Variants in CSMD1 observed in about 807,000 individuals in gnomAD.
CSMD1 encodes the protein CUB and sushi domain-containing protein 1.
In CSMD1, 213 loss-of-function variants were observed where a neutral mutation model predicts 417.5. That is an observed-to-expected ratio of 0.51 (90% CI 0.46 to 0.57). The LOEUF is 0.57. Among genes scored for constraint, CSMD1 ranks in the 20% least tolerant of loss-of-function variants. The pLI is 0.00. For synonymous variants in CSMD1, 2,862 were observed against 1,736.8 expected, an observed-to-expected ratio of 1.65 and a Z score of -16.11; for missense variants, 6,923 against 4,529.7, an observed-to-expected ratio of 1.53 and a Z score of -15.17.
intron 3 of CSMD1, among the ~76,000 whole-genome samples, chr8:4,374,712 T>C (rs906317686): frequency 6.6e-6 from 1 of 152,142 alleles, no homozygotes; most frequent in Non-Finnish European, 1.5e-5. Flanking sequence ...GCTGCATCCG[T>C]GTCTGGAGCA....
intron 3 of CSMD1, among the ~76,000 whole-genome samples, chr8:4,306,286 G>A (rs576745080): frequency 1.3e-5 from 2 of 152,094 alleles, no homozygotes; most frequent in Non-Finnish European, 2.9e-5. Flanking sequence ...TTCCTGAATA[G>A]ACACTAAATA....
At chr8:4,069,652 C>T (rs1046534383) in intron 3 of CSMD1, among the ~76,000 whole-genome samples, 1 of 152,148 alleles carries the variant, frequency 6.6e-6, no homozygotes, top group Admixed American at 6.5e-5. Flanking sequence ...GCTTCCTGGG[C>T]CATGGCTCCT....
intron 2 of CSMD1, among the ~76,000 whole-genome samples, chr8:4,467,797 G>A (rs1800272711): frequency 6.6e-6 from 1 of 152,060 alleles, no homozygotes. Context: ...TCTTATATGG[G>A]GAAAGAACTA....
intron 1 of CSMD1, among the ~76,000 whole-genome samples, chr8:4,780,214 A>G (rs1797081860): frequency 6.6e-6 from 1 of 152,364 alleles, no homozygotes; most frequent in East Asian, 1.9e-4. Context: ...GTAAAAATGC[A>G]AACAAACAAA....
At chr8:3,016,450 A>G (rs78051576) in intron 52 of CSMD1, among the ~76,000 whole-genome samples, 3,128 of 152,270 alleles carry the variant, frequency 0.021, 99 homozygotes, top group African/African-American at 0.07. Context: ...GTCGCCCCCC[A>G]GCAAAAGATG....
intron 3 of CSMD1, among the ~76,000 whole-genome samples, chr8:4,129,820 G>T (rs998701427): frequency 2.0e-5 from 3 of 151,894 alleles, no homozygotes; most frequent in African/African-American, 7.3e-5. Context: ...TTTCTAAGTT[G>T]TCTCTGACAC....
intron 5 of CSMD1, among the ~76,000 whole-genome samples, chr8:3,866,810 A>G (rs1227275372): frequency 6.6e-6 from 1 of 152,190 alleles, no homozygotes; most frequent in Non-Finnish European, 1.5e-5. Flanking sequence ...AATCCTTAAT[A>G]TGAAGGACTT....
intron 5 of CSMD1, among the ~76,000 whole-genome samples, chr8:3,962,483 T>G (rs1243093200): frequency 6.6e-6 from 1 of 152,130 alleles, no homozygotes; most frequent in Non-Finnish European, 1.5e-5. Flanking sequence ...CACCCCCTGT[T>G]TATGACAGCC....
intron 63 of CSMD1, among the ~76,000 whole-genome samples, 180 bp downstream of exon 63, chr8:2,957,516 C>A (rs62487745): frequency 0.038 from 5,711 of 152,256 alleles, 162 homozygotes; most frequent in Middle Eastern, 0.11. Flanking sequence ...GCCTTCACAG[C>A]CCAATGTCCA....
intron 3 of CSMD1, among the ~76,000 whole-genome samples, chr8:4,057,997 G>A (rs1039687484): frequency 3.3e-5 from 5 of 151,462 alleles, no homozygotes; most frequent in Admixed American, 3.3e-4. Flanking sequence ...TTTTGCCTTA[G>A]GATTGACTTG....
chr8:3,352,718 T>A (rs1386143550), intron 21 of CSMD1, among the ~76,000 whole-genome samples: 1 of 152,134 alleles, frequency 6.6e-6, no homozygotes, highest in Non-Finnish European at 1.5e-5. Flanking sequence ...TGCATGCCGG[T>A]TGTCCCACCT....
At chr8:4,763,871 A>T (rs1812277029) in intron 1 of CSMD1, among the ~76,000 whole-genome samples, 1 of 152,242 alleles carries the variant, frequency 6.6e-6, no homozygotes. Flanking sequence ...AAGAAAACTA[A>T]AATACATGAT....
chr8:4,797,256 G>C (rs1403909267), intron 1 of CSMD1, among the ~76,000 whole-genome samples: 1 of 152,174 alleles, frequency 6.6e-6, no homozygotes, highest in Non-Finnish European at 1.5e-5. Context: ...ACTATGCATG[G>C]TGAGTTTTAA....
In CSMD1 at chr8:2,942,601, G is replaced by A. The variant is rs767156556; in HGVS notation, c.10406C>T (p.Pro3469Leu). The A allele has an allele frequency of 1.9e-6, 3 of 1,574,088 alleles. No individual in the cohort carries two copies. The highest frequency in any genetic ancestry group is 8.6e-7 in the Non-Finnish European group (1 of 1,158,828). ...GGAAGAGTCTTGATCTGGGTTTAAA[G>A]GATCTGTAAGATAAAGGAAATATTA... The part of the protein sequence containing the change: ...FGKFKLERQD[P>L]LNPDQDSSSH... The change falls in exon 69 of 70, where the codon CCT becomes CTT. Residue 3469 changes from proline (P) to leucine (L), a missense_variant. Transcript: ENST00000635120.
At chr8:3,295,536 A>G (rs1212516280) in intron 25 of CSMD1, among the ~76,000 whole-genome samples, 2 of 152,200 alleles carry the variant, frequency 1.3e-5, no homozygotes, top group Non-Finnish European at 2.9e-5. Flanking sequence ...TTCCTTACTA[A>G]AGGTCAGTTT....
chr8:3,743,201 C>T (rs745868688), intron 6 of CSMD1, among the ~76,000 whole-genome samples: 1 of 152,194 alleles, frequency 6.6e-6, no homozygotes, highest in South Asian at 2.1e-4. Flanking sequence ...TTCATGAATG[C>T]AGAGTGTTCT....
chr8:4,748,235 G>C (rs1304361111), intron 1 of CSMD1, among the ~76,000 whole-genome samples: 3 of 152,168 alleles, frequency 2.0e-5, no homozygotes, highest in African/African-American at 2.4e-5. Flanking sequence ...AAGAAGAAAA[G>C]CAATTCAAGC....
intron 4 of CSMD1, among the ~76,000 whole-genome samples, chr8:4,002,925 A>AAC (rs1348258968): frequency 6.6e-6 from 1 of 152,228 alleles, no homozygotes; most frequent in African/African-American, 2.4e-5. Flanking sequence ...GCATTATCTC[A>AAC]ACTAAACAGA....
At chr8:3,746,585 C>T (rs761187697) in intron 6 of CSMD1, among the ~76,000 whole-genome samples, 1 of 152,042 alleles carries the variant, frequency 6.6e-6, no homozygotes, top group South Asian at 2.1e-4. Flanking sequence ...CATTAGTCTG[C>T]GTGGGATTTT....
Sources: gnomAD v4.1 joint callset for allele counts (sites outside exome capture counted in the v4.1 genomes callset) on GRCh38, gnomAD v4.1.1 for gene constraint, MANE v1.5 for transcripts, NCBI Gene and HGNC (gene_info 2026-07-23, HGNC 2026-07-21) for gene names.